Variants in PRAG1 observed in about 807,000 individuals in gnomAD.
PRAG1 encodes PEAK1 related, kinase-activating pseudokinase 1, also known as inactive tyrosine-protein kinase PRAG1.
Under a neutral mutation model 95.6 loss-of-function variants are expected in PRAG1, and 110 were observed. The observed-to-expected ratio is 1.15, with a 90% CI of 0.99 to 1.35. The LOEUF (loss-of-function observed/expected upper bound fraction) is 1.35. PRAG1 is among the 40% of genes most tolerant of loss of function. PRAG1 has a pLI of 0.00. For synonymous variants in PRAG1, 1,052 were observed against 819.4 expected (o/e 1.28, Z -4.85); for missense variants, 2,554 against 1,864.7 (o/e 1.37, Z -6.81).
At chr8:8,363,782 C>G (rs568477958) in intron 3 of PRAG1, among the ~76,000 whole-genome samples, 2 of 152,166 alleles carry the variant, frequency 1.3e-5, no homozygotes, top group African/African-American at 2.4e-5. Context: ...AAGAATGCAG[C>G]TTTCCTTAAA....
chr8:8,327,996 G>A lies in PRAG1; in HGVS notation c.2786C>T (p.Ala929Val), dbSNP rs375488084. The change falls in exon 5 of 6, where the codon GCC (alanine) becomes GTC (valine). Residue 929 changes from alanine to valine, a missense_variant. Ala to Val is a moderately conservative substitution (Grantham distance 64). Coordinates refer to ENST00000615670, the MANE Select transcript of PRAG1 (RefSeq NM_001080826.3). ...CTGAAGCTGGGTGCTCCCGGTGGAG[G>A]CTTGACTGGACACGCTCAGCTGGGA... ...SSSQLSVSSQ[A>V]STGSTQLQLH... is the part of the protein sequence containing the mutation. The A allele has an allele frequency of 3.8e-6, 6 of 1,593,274 alleles. No individual in the cohort carries two copies. In the South Asian group the frequency reaches 5.7e-5, roughly 15 times the overall value.
At chr8:8,325,133 C>T (rs1452091908) in intron 5 of PRAG1, among the ~76,000 whole-genome samples, 2 of 152,206 alleles carry the variant, frequency 1.3e-5, no homozygotes, top group Non-Finnish European at 2.9e-5. Flanking sequence ...CACTCCCCCT[C>T]CTGCGGATCC....
intron 1 of PRAG1, among the ~76,000 whole-genome samples, chr8:8,383,660 T>A (rs180871371): frequency 6.6e-6 from 1 of 152,252 alleles, no homozygotes; most frequent in East Asian, 1.9e-4. Flanking sequence ...AAGAAAAGTA[T>A]CTTTTAGCAG....
Position 8,318,293 on chromosome 8 carries a change from A to G in PRAG1, c.4082T>C (p.Leu1361Pro). 6.2e-7 allele frequency: 1 copy of G among 1,614,140 alleles called. No individual in the cohort carries two copies. Among genetic ancestry groups the G allele is most frequent in the Non-Finnish European group, 8.5e-7 (1 of 1,179,986 alleles). ...CTTCTCCGCAAACTTCATCATCATCAGGGCCCGCTTCATGTCGATCCAGTT... is the reference window on the plus strand; with the variant it reads ...CTTCTCCGCAAACTTCATCATCATCGGGGCCCGCTTCATGTCGATCCAGTT... Reference protein sequence around the residue: ...LHNWIDMKRALMMMKFAEKAV... With the variant: ...LHNWIDMKRAPMMMKFAEKAV... The change falls in exon 6 of 6, where the codon CTG (leucine) becomes CCG (proline). Residue 1361 changes from leucine (L) to proline (P), a missense_variant. Physicochemically the swap from Leu to Pro is moderately conservative, Grantham distance 98. Coordinates refer to ENST00000615670, the MANE Select transcript of PRAG1 (RefSeq NM_001080826.3). This position sits in a 1 kb window ranked among gnomAD's most constrained non-coding sequence, Gnocchi z 4.2.
chr8:8,375,816 T>A (rs768204543), intron 3 of PRAG1, among the ~76,000 whole-genome samples: 1 of 152,182 alleles, frequency 6.6e-6, no homozygotes, highest in South Asian at 2.1e-4. Context: ...TGAGCCATCA[T>A]ACCCAGCCCT....
At chr8:8,340,560 A>G (rs58466381) in intron 3 of PRAG1, among the ~76,000 whole-genome samples, 9,845 of 152,284 alleles carry the variant, frequency 0.065, 681 homozygotes, top group African/African-American at 0.17. Context: ...GCAGATCCAT[A>G]TCTCAATATC....
intron 5 of PRAG1, among the ~76,000 whole-genome samples, chr8:8,320,085 G>A (rs1020454538): frequency 6.6e-6 from 1 of 152,222 alleles, no homozygotes; most frequent in African/African-American, 2.4e-5. Flanking sequence ...TGGGGTCCCT[G>A]CCGAGCAACA....
Position 8,381,585 on chromosome 8 carries a change from G to C in PRAG1, c.163C>G (p.Pro55Ala), listed in dbSNP as rs770638468. 7 of 1,614,018 alleles carry C rather than the reference G, an allele frequency of 4.3e-6. No homozygotes were observed. The South Asian group carries it at 6.6e-5, about 15-fold the overall frequency. The change falls in exon 2 of 6, where the codon CCC (proline) becomes GCC (alanine). Residue 55 changes from proline (P) to alanine (A), a missense_variant. By Grantham distance (27) the Pro-to-Ala change is conservative. Transcript: ENST00000615670. The stretch of plus-strand genomic sequence containing the variant: ...CTGGGAGGCAGGCGCGGTGGAGGGG[G>C]CAGGCTGCCCGCTCTGGGCTGGGGA... ...GPPQPRAGSL[P>A]PPPRLPPRPE...
At position 8,376,357 on chromosome 8, in the gene PRAG1, G is replaced by C. The variant is rs769256348; in HGVS notation, c.2052C>G (p.Asn684Lys). The C allele has an allele frequency of 1.2e-6, 2 of 1,614,118 alleles. No homozygotes were observed. Among genetic ancestry groups the C allele is most frequent in the Non-Finnish European group, 1.7e-6 (2 of 1,180,052 alleles). The change falls in exon 3 of 6, where the codon AAC (asparagine) becomes AAG (lysine). Residue 684 changes from asparagine (N) to lysine (K), a missense_variant. Coordinates refer to ENST00000615670, the MANE Select transcript of PRAG1 (RefSeq NM_001080826.3). ...TGCTCATCCCGGTCCCAACTTTGCT[G>C]TTCTGCCCAGAGGAGCCATCTGTGG... is the stretch of plus-strand genomic sequence containing the variant. The part of the protein sequence containing the change: ...LHPTDGSSGQ[N>K]SKVGTGMSKS...
At chr8:8,327,110 A>G (rs1434068632) in intron 5 of PRAG1, among the ~76,000 whole-genome samples, 1 of 152,200 alleles carries the variant, frequency 6.6e-6, no homozygotes, top group African/African-American at 2.4e-5. Context: ...TAGACACTCA[A>G]TAAAAACCTG....
rs559365958 is a variant in PRAG1 at position 8,365,907 on chromosome 8, G to A, written c.2162+10340C>T. Among the ~76,000 whole-genome samples the A allele has an allele frequency of 3.9e-5, 6 of 152,184 alleles. No individual in the cohort carries two copies. In the East Asian group the frequency reaches 1.2e-3, roughly 29 times the overall value. The stretch of plus-strand genomic sequence containing the variant: ...AGGCAGGAGAATCTCTTGAACCCAA[G>A]AGGTGGAGATTGCAGTGAGCTGAGA... On this transcript the variant is annotated intron_variant, in intron 3 of 5. Coordinates refer to ENST00000615670, the MANE Select transcript of PRAG1 (RefSeq NM_001080826.3).
chr8:8,349,545 G>A (rs1007753303), intron 3 of PRAG1, among the ~76,000 whole-genome samples: 1 of 152,096 alleles, frequency 6.6e-6, no homozygotes, highest in Non-Finnish European at 1.5e-5. Context: ...GCCTCCCAAA[G>A]TGCTGGGATT....
At chr8:8,372,684 C>T (rs1018433768) in intron 3 of PRAG1, among the ~76,000 whole-genome samples, 1 of 152,164 alleles carries the variant, frequency 6.6e-6, no homozygotes, top group African/African-American at 2.4e-5. Context: ...CTCAGGAACA[C>T]GAATGGGAGT....
chr8:8,326,391 G>GA (rs1798638606), intron 5 of PRAG1, among the ~76,000 whole-genome samples: 1 of 151,634 alleles, frequency 6.6e-6, no homozygotes, highest in African/African-American at 2.4e-5. Context: ...TTTCTAACTG[G>GA]AAAAAAAAGC....
intron 1 of PRAG1, among the ~76,000 whole-genome samples, chr8:8,382,749 T>G (rs1440224389): frequency 6.6e-6 from 1 of 152,140 alleles, no homozygotes; most frequent in Non-Finnish European, 1.5e-5. Context: ...CTCAAAGAGT[T>G]GCAGCCATTA....
At chr8:8,375,452 G>A (rs1324931215) in intron 3 of PRAG1, among the ~76,000 whole-genome samples, 5 of 152,098 alleles carry the variant, frequency 3.3e-5, no homozygotes, top group Admixed American at 2.0e-4. Flanking sequence ...CGCCCGCCTC[G>A]GCCTCCCAAA....
rs748471342 is a variant in PRAG1 at position 8,381,377 on chromosome 8, G to A, written c.330+41C>T. On this transcript the variant is annotated intron_variant, in intron 2 of 5. Coordinates refer to ENST00000615670, the MANE Select transcript of PRAG1 (RefSeq NM_001080826.3). ...CCAGTCACCAAGTGTTCAAACAGGA[G>A]CAGCCCCTGTAAAAATACCACGAGT... The A allele has an allele frequency of 1.9e-5, 30 of 1,560,962 alleles. No individual in the cohort carries two copies. In the South Asian group the frequency reaches 3.6e-4, roughly 19 times the overall value.
At chr8:8,340,247 T>C (rs1288997257) in intron 3 of PRAG1, among the ~76,000 whole-genome samples, 1 of 152,280 alleles carries the variant, frequency 6.6e-6, no homozygotes, top group African/African-American at 2.4e-5. Flanking sequence ...ACCAACCTTT[T>C]GCTTTTCTGT....
intron 3 of PRAG1, among the ~76,000 whole-genome samples, chr8:8,365,879 C>A (rs1270617742): frequency 1.3e-5 from 2 of 151,818 alleles, no homozygotes. Context: ...ACTTGGGAGG[C>A]TGAGGCAGGA....
Sources: gnomAD v4.1 joint callset for allele counts (sites outside exome capture counted in the v4.1 genomes callset) on GRCh38, gnomAD v4.1.1 for gene constraint, Gnocchi (gnomAD v3.1) non-coding constraint, MANE v1.5 for transcripts, NCBI Gene and HGNC (gene_info 2026-07-23, HGNC 2026-07-21) for gene names.